The following ABR variants were observed in gnomAD, a reference collection of about 807,000 sequenced individuals.
ABR encodes ABR activator of RhoGEF and GTPase, also known as active breakpoint cluster region-related protein.
ABR carries 35 observed loss-of-function variants against 107.2 expected under a neutral mutation model. The observed-to-expected ratio is 0.33, with a 90% CI of 0.25 to 0.43. The LOEUF (loss-of-function observed/expected upper bound fraction) is 0.43. ABR is among the 20% of genes least tolerant of loss of function. The pLI, the probability that ABR is intolerant of heterozygous loss-of-function variation, is 1.00. For synonymous variants in ABR, 498 were observed against 462.0 expected (o/e 1.08, Z -1.00); for missense variants, 815 against 1,115.2 (o/e 0.73, Z 3.83).
chr17:1,216,574 C>T (rs2043014870), intron 1 of ABR, among the ~76,000 whole-genome samples: 1 of 152,206 alleles, frequency 6.6e-6, no homozygotes, highest in African/African-American at 2.4e-5. Flanking sequence ...ATCCAGAAAT[C>T]CAGATTGCTA....
rs71272843 is a variant in ABR, at chr17:1,025,119, C to CAAAA, written c.1792-11959_1792-11956dup. On this transcript the variant is annotated intron_variant, in intron 16 of 22. Coordinates refer to ENST00000302538, the MANE Select transcript of ABR (RefSeq NM_021962.5). The stretch of plus-strand genomic sequence containing the variant: ...CCTGGGCGACAGCGAGACTCCGTCT[C>CAAAA]AAAAAAAAAAAAAAAAAAATACAAA... Among the ~76,000 whole-genome samples the CAAAA allele has an allele frequency of 7.4e-4, 28 of 37,698 alleles. 2 individuals carry two copies. The highest frequency in any genetic ancestry group is 2.7e-3 in the East Asian group (4 of 1,482). The allele number at this position is 37,698 out of a possible 152,430, so 24.7% of individuals were successfully genotyped here. A position where few individuals can be genotyped will look rare whatever the true frequency, so the allele number is the denominator to read the frequency against.
chr17:1,073,758 C>G, intron 6 of ABR, 81 bp from the exon 7 acceptor site: 1 of 1,304,106 alleles, frequency 7.7e-7, no homozygotes, highest in Non-Finnish European at 1.1e-6. Context: ...CTTCGTCCCC[C>G]CACCCGCATG....
At chr17:1,181,709 T>C (rs760341297), upstream of ABR, among the ~76,000 whole-genome samples, 13 of 152,134 alleles carry the variant, frequency 8.5e-5, no homozygotes, top group Non-Finnish European at 1.8e-4. Context: ...AGGGCATCTC[T>C]TCTTCCCACC....
intron 2 of ABR, 114 bp from the exon 3 acceptor site, chr17:1,100,849 A>G: frequency 2.0e-6 from 2 of 1,006,968 alleles, no homozygotes; most frequent in South Asian, 1.4e-5. Context: ...TTTGAGACGA[A>G]GTCTCGCTCT....
upstream of ABR, chr17:1,181,931 G>T (rs978084828): frequency 7.9e-5 from 12 of 152,272 alleles, no homozygotes; most frequent in African/African-American, 2.7e-4. Context: ...GCTTCTGCGT[G>T]AGTCACATAC....
intron 10 of ABR, among the ~76,000 whole-genome samples, chr17:1,061,954 C>G (rs2033993568): frequency 6.6e-6 from 1 of 152,092 alleles, no homozygotes; most frequent in East Asian, 1.9e-4. Context: ...TCTGACAATG[C>G]AATTACAATT....
chr17:1,109,649 C>T (rs1156334479), intron 2 of ABR, among the ~76,000 whole-genome samples: 1 of 152,030 alleles, frequency 6.6e-6, no homozygotes, highest in Non-Finnish European at 1.5e-5. Context: ...AGAGCCACCC[C>T]GGAGTCCCCA....
At chr17:1,043,710 T>C (rs942190173) in intron 16 of ABR, among the ~76,000 whole-genome samples, 1 of 152,126 alleles carries the variant, frequency 6.6e-6, no homozygotes, top group Non-Finnish European at 1.5e-5. Flanking sequence ...CCGGACGCGG[T>C]GGCTCACACT....
At chr17:1,122,226 C>T (rs138579912) in intron 2 of ABR, among the ~76,000 whole-genome samples, 5 of 152,300 alleles carry the variant, frequency 3.3e-5, no homozygotes, top group East Asian at 3.9e-4. Context: ...TTTTCATCTG[C>T]GCAAAGCTTA....
Position 1,200,085 on chromosome 17 carries a change from C to G in ABR, c.838+28708G>C, listed in dbSNP as rs1017399053. 6.6e-6 allele frequency among the ~76,000 whole-genome samples: 1 copy of G among 151,938 alleles called. No homozygotes were observed. The highest frequency in any genetic ancestry group is 1.5e-5 in the Non-Finnish European group (1 of 67,984). Reference sequence around the variant, plus strand: ...TACCTGGCTGGAAGCCACACTATCCCTATCCAAGGGCACCCTCAGATTCAA... The same window carrying G: ...TACCTGGCTGGAAGCCACACTATCCGTATCCAAGGGCACCCTCAGATTCAA... On this transcript the variant is annotated intron_variant, in intron 1 of 22. Coordinates refer to the ABR transcript ENST00000574139. This position sits in a 1 kb window ranked among gnomAD's most constrained non-coding sequence, Gnocchi z 4.1.
At chr17:1,221,337 C>T (rs995301004) in intron 1 of ABR, among the ~76,000 whole-genome samples, 5 of 152,202 alleles carry the variant, frequency 3.3e-5, no homozygotes, top group Non-Finnish European at 5.9e-5. Flanking sequence ...CACTCTTACG[C>T]TCCTCTTCCC....
At chr17:1,014,333 T>C (rs6598845) in intron 16 of ABR, among the ~76,000 whole-genome samples, 60,518 of 111,782 alleles carry the variant, frequency 0.54, 17,035 homozygotes, top group East Asian at 0.72. Context: ...CCCAGCTACT[T>C]GGGAGGCTGA....
intron 21 of ABR, among the ~76,000 whole-genome samples, chr17:1,008,853 A>G (rs1429082786): frequency 6.6e-6 from 1 of 152,176 alleles, no homozygotes; most frequent in Non-Finnish European, 1.5e-5. Flanking sequence ...ACTTTGCTAC[A>G]AGTACAACCA....
intron 16 of ABR, among the ~76,000 whole-genome samples, chr17:1,036,872 A>G (rs182188490): frequency 1.1e-4 from 17 of 152,172 alleles, no homozygotes; most frequent in African/African-American, 4.1e-4. Context: ...CTCCCCACCC[A>G]TCGGATACCT....
chr17:1,157,540 C>G lies in ABR; in HGVS notation c.61+22127G>C, dbSNP rs138585979. Among the ~76,000 whole-genome samples the G allele has an allele frequency of 1.2e-3, 183 of 152,282 alleles. No individual in the cohort carries two copies. Among genetic ancestry groups the G allele is most frequent in the African/African-American group, 4.0e-3 (167 of 41,564 alleles). ...TGCTGGGATTACAGGCGTGAGCCAC[C>G]GCGCCCGACCTCAGTGCACACAGTT... On this transcript the variant is annotated intron_variant, in intron 1 of 22. Coordinates refer to ENST00000302538, the MANE Select transcript of ABR (RefSeq NM_021962.5). The surrounding 1 kb of genome is among the most constrained non-coding windows in gnomAD (Gnocchi z 4.7).
In ABR at chr17:1,005,980, C is replaced by T; in HGVS notation, c.*100G>A. The T allele has an allele frequency of 8.9e-7, 1 of 1,126,376 alleles. No homozygotes were observed. Among genetic ancestry groups the T allele is most frequent in the Non-Finnish European group, 1.3e-6 (1 of 765,152 alleles). 69.8% of individuals were successfully genotyped at this position (1,126,376 alleles called of 1,614,324 possible). On this transcript the variant is annotated 3_prime_UTR_variant, in exon 23 of 23. Transcript: ENST00000302538. ...GCTGGCTTCCCTCGAGTCTGGAGTGCTGGGTTTGGGAGTTTTCTATTGCAG... is the reference window on the plus strand; with the variant it reads ...GCTGGCTTCCCTCGAGTCTGGAGTGTTGGGTTTGGGAGTTTTCTATTGCAG...
intron 17 of ABR, 93 bp downstream of exon 17, chr17:1,013,012 C>T: frequency 6.7e-7 from 1 of 1,483,718 alleles, no homozygotes; most frequent in Non-Finnish European, 9.4e-7. Context: ...GCACAGCGGC[C>T]CCAGGAGCAG....
intron 16 of ABR, among the ~76,000 whole-genome samples, chr17:1,049,564 C>T (rs1413906661): frequency 6.6e-6 from 1 of 152,138 alleles, no homozygotes; most frequent in South Asian, 2.1e-4. Context: ...GTCCGGCCAC[C>T]CTAACAACAA....
chr17:1,079,375 C>G lies in ABR; in HGVS notation c.655G>C (p.Gly219Arg). 1 of 1,613,516 alleles carries G rather than the reference C, an allele frequency of 6.2e-7. No homozygotes were observed. Among genetic ancestry groups the G allele is most frequent in the Non-Finnish European group, 8.5e-7 (1 of 1,179,722 alleles). Residue 219 changes from glycine (G) to arginine (R), a missense_variant, in exon 6 of 23, where the codon GGT (glycine) becomes CGT (arginine). Gly to Arg is a moderately radical substitution (Grantham distance 125). Around this residue, in one of 5 missense-constraint regions of ABR, gnomAD observed 385 missense variants for 596.9 expected, o/e 0.64. Coordinates refer to ENST00000302538, the MANE Select transcript of ABR (RefSeq NM_021962.5). ...QKISEELKVK[G>R]PKDSKDSHTS... ...TGGCTGTCCTTGGAGTCCTTGGGAC[C>G]TTTCACTTTGAGTTCCTGCCAAAGG...
Sources: gnomAD v4.1 joint callset for allele counts (sites outside exome capture counted in the v4.1 genomes callset) on GRCh38, gnomAD v4.1.1 for gene constraint, gnomAD v4.1.1 regional missense constraint, Gnocchi (gnomAD v3.1) non-coding constraint, MANE v1.5 for transcripts, NCBI Gene and HGNC (gene_info 2026-07-23, HGNC 2026-07-21) for gene names.